Variants in TRAPPC9 observed in about 807,000 individuals in gnomAD.
The protein encoded by TRAPPC9 is IKK2 binding protein.
TRAPPC9 carries 83 observed loss-of-function variants against 124.0 expected under a neutral mutation model. The ratio of observed to expected loss-of-function variants is 0.67; its 90% CI spans 0.56 to 0.80. The LOEUF (loss-of-function observed/expected upper bound fraction) is 0.80, where lower values mean the gene tolerates loss of function less well. Among genes scored for constraint, TRAPPC9 ranks in the 30% least tolerant of loss-of-function variants. TRAPPC9 has a pLI of 0.00. For synonymous variants in TRAPPC9, 638 were observed against 617.5 expected, an observed-to-expected ratio of 1.03 and a Z score of -0.49; for missense variants, 1,302 against 1,508.3, an observed-to-expected ratio of 0.86 and a Z score of 2.27.
At chr8:140,458,493 T>A (rs767991007), upstream of TRAPPC9, 8 of 1,576,888 alleles carry the variant, frequency 5.1e-6, no homozygotes, top group South Asian at 9.3e-5. Flanking sequence ...GGGAGGCACG[T>A]GAGGTGCGAG....
chr8:140,182,074 T>A lies in TRAPPC9; in HGVS notation c.2556+39385A>T, dbSNP rs1210878212. On this transcript the variant is annotated intron_variant, in intron 17 of 22. Transcript: ENST00000438773. This position sits in a 1 kb window ranked among gnomAD's most constrained non-coding sequence, Gnocchi z 4.0. ...GGAGCTGCAGCCTGAACTCCCTTCT[T>A]TACATCAGCATACAAGCCTAGTGCT... is the stretch of plus-strand genomic sequence containing the variant. Among the ~76,000 whole-genome samples, 1 of 152,142 alleles carries A rather than the reference T, an allele frequency of 6.6e-6. No homozygotes were observed. Among genetic ancestry groups the A allele is most frequent in the Non-Finnish European group, 1.5e-5 (1 of 68,036 alleles).
chr8:140,443,358 C>A (rs2071112498), intron 2 of TRAPPC9, among the ~76,000 whole-genome samples: 1 of 151,596 alleles, frequency 6.6e-6, no homozygotes, highest in African/African-American at 2.4e-5. Context: ...ATGGTGTGAA[C>A]CCGGGAGGCG....
intron 21 of TRAPPC9, among the ~76,000 whole-genome samples, chr8:139,738,173 C>A (rs1029316092): frequency 1.3e-5 from 2 of 152,190 alleles, no homozygotes; most frequent in African/African-American, 4.8e-5. Flanking sequence ...AGGGAAGCAG[C>A]AGCCTAGGGA....
intron 13 of TRAPPC9, among the ~76,000 whole-genome samples, chr8:140,287,283 C>G (rs781244441): frequency 6.6e-6 from 1 of 152,022 alleles, no homozygotes; most frequent in Non-Finnish European, 1.5e-5. Flanking sequence ...GGAGATTCAG[C>G]GTGTGTAGAC....
chr8:140,050,226 A>G (rs952617714), intron 17 of TRAPPC9, among the ~76,000 whole-genome samples: 2 of 152,206 alleles, frequency 1.3e-5, no homozygotes, highest in African/African-American at 4.8e-5. Context: ...GAGTCATCAA[A>G]GCCAATGAAG....
intron 20 of TRAPPC9, chr8:139,908,763 G>GC (rs1397123470): frequency 1.3e-5 from 2 of 152,236 alleles, no homozygotes; most frequent in East Asian, 3.8e-4. Flanking sequence ...CTCGCTCCTT[G>GC]CTATGGCATT....
chr8:140,398,608 TGA>T (rs2069163345), intron 6 of TRAPPC9, among the ~76,000 whole-genome samples: 3 of 152,150 alleles, frequency 2.0e-5, no homozygotes, highest in African/African-American at 2.4e-5. Context: ...ACTCTGAACT[TGA>T]GAGAGATGAT....
At chr8:139,883,841 C>T (rs1829835993) in intron 21 of TRAPPC9, among the ~76,000 whole-genome samples, 1 of 152,210 alleles carries the variant, frequency 6.6e-6, no homozygotes, top group Non-Finnish European at 1.5e-5. Context: ...TCTGGAGCCC[C>T]TGGGGCAAGT....
At chr8:140,245,312 C>T (rs746767229) in intron 16 of TRAPPC9, among the ~76,000 whole-genome samples, 1 of 152,214 alleles carries the variant, frequency 6.6e-6, no homozygotes, top group Non-Finnish European at 1.5e-5. Flanking sequence ...GCCCACCACC[C>T]AGACTTTGTG....
In TRAPPC9 at chr8:139,894,330, A is replaced by G. The variant is rs764143210; in HGVS notation, c.2965-8361T>C. ...AGGAGAGAGCCAATGCCAACCCCCA[A>G]CGAGACCACTGGTCACCGCGCACGA... On this transcript the variant is annotated intron_variant, in intron 20 of 22. Transcript: ENST00000438773. Among the ~76,000 whole-genome samples the G allele has an allele frequency of 2.7e-4, 41 of 151,980 alleles. 1 individual carries two copies. Among genetic ancestry groups the G allele is most frequent in the Non-Finnish European group, 5.4e-4 (37 of 67,998 alleles).
rs1203970403 is a variant in TRAPPC9, at chr8:140,435,238, C to T, written c.733G>A (p.Ala245Thr). The change falls in exon 4 of 23, where the codon GCC (alanine) becomes ACC (threonine). Residue 245 changes from alanine to threonine, a missense_variant and splice_region_variant. Coordinates refer to ENST00000438773, the MANE Select transcript of TRAPPC9 (RefSeq NM_001160372.4). ...SVNDFLWLGA[A>T]LEGLCSASVI... Reference sequence around the variant, plus strand: ...GAAGCTGAACACAATCCTTCCAGGGCAGCTGGGCATTAAGAAAACAAAAAA... The same window carrying T: ...GAAGCTGAACACAATCCTTCCAGGGTAGCTGGGCATTAAGAAAACAAAAAA... 2.5e-6 allele frequency: 4 copies of T among 1,613,822 alleles called. No homozygotes were observed. The highest frequency in any genetic ancestry group is 3.3e-5 in the Admixed American group (2 of 59,946).
intron 17 of TRAPPC9, among the ~76,000 whole-genome samples, chr8:140,174,547 C>T (rs897378642): frequency 2.0e-5 from 3 of 152,102 alleles, no homozygotes; most frequent in African/African-American, 7.2e-5. Context: ...ATCATGTACC[C>T]ATTAGCAGTC....
chr8:140,331,688 G>A (rs908987495), intron 9 of TRAPPC9, among the ~76,000 whole-genome samples: 7 of 151,840 alleles, frequency 4.6e-5, no homozygotes, highest in African/African-American at 1.5e-4. Context: ...GACATTTCTC[G>A]AAAGAAGACA....
intron 7 of TRAPPC9, among the ~76,000 whole-genome samples, chr8:140,373,946 A>T (rs537996385): frequency 6.6e-6 from 1 of 152,320 alleles, no homozygotes; most frequent in East Asian, 1.9e-4. Flanking sequence ...TGTTTTGCAA[A>T]TATTTCCTCC....
At chr8:140,301,473 G>C (rs115455504) in intron 10 of TRAPPC9, among the ~76,000 whole-genome samples, 4,703 of 152,224 alleles carry the variant, frequency 0.031, 233 homozygotes, top group African/African-American at 0.1. Flanking sequence ...GTATACTGTC[G>C]CAAATCCGAT....
rs989791800 is a variant in TRAPPC9, at chr8:140,216,582, G to A, written c.2556+4877C>T. 3.3e-5 allele frequency among the ~76,000 whole-genome samples: 5 copies of A among 152,300 alleles called. No homozygotes were observed. Among genetic ancestry groups the A allele is most frequent in the African/African-American group, 9.6e-5 (4 of 41,572 alleles). Reference sequence around the variant, plus strand: ...AAAGGAAGGAACCAACAAACTCCGCGTGCCTCTGAAACCCTTGGCAGCCTG... The same window carrying A: ...AAAGGAAGGAACCAACAAACTCCGCATGCCTCTGAAACCCTTGGCAGCCTG... On this transcript the variant is annotated intron_variant, in intron 17 of 22. Coordinates refer to ENST00000438773, the MANE Select transcript of TRAPPC9 (RefSeq NM_001160372.4). This position sits in a 1 kb window ranked among gnomAD's most constrained non-coding sequence, Gnocchi z 4.1.
At chr8:140,265,399 C>G (rs903366051) in intron 15 of TRAPPC9, among the ~76,000 whole-genome samples, 1 of 152,188 alleles carries the variant, frequency 6.6e-6, no homozygotes, top group Non-Finnish European at 1.5e-5. Flanking sequence ...TGCCAACCAA[C>G]CAAGGTATTT....
chr8:139,814,408 G>C (rs951009511), intron 21 of TRAPPC9, among the ~76,000 whole-genome samples: 1 of 152,178 alleles, frequency 6.6e-6, no homozygotes, highest in Non-Finnish European at 1.5e-5. Context: ...AGAGCAGACT[G>C]TCTAGCAGGA....
intron 19 of TRAPPC9, among the ~76,000 whole-genome samples, chr8:139,949,237 A>G (rs1380905092): frequency 6.6e-6 from 1 of 152,228 alleles, no homozygotes; most frequent in African/African-American, 2.4e-5. Flanking sequence ...AAAGAAAATT[A>G]TGAATAATTT....
Sources: allele counts gnomAD v4.1 joint callset (sites outside exome capture counted in the v4.1 genomes callset), GRCh38; gene constraint gnomAD v4.1.1; non-coding constraint Gnocchi (gnomAD v3.1); transcripts MANE v1.5; gene names NCBI Gene and HGNC (gene_info 2026-07-23, HGNC 2026-07-21).